CSTF3: variants seen among roughly 807,000 people sequenced by gnomAD.
CSTF3 encodes the protein CF-1 77 kDa subunit.
A neutral mutation model predicts 105.8 loss-of-function variants in CSTF3; 29 were observed. The observed-to-expected ratio is 0.27, with a 90% confidence interval of 0.20 to 0.37. The LOEUF (loss-of-function observed/expected upper bound fraction) is 0.37. Among genes scored for constraint, CSTF3 ranks in the 10% least tolerant of loss-of-function variants. CSTF3 has a pLI of 1.00. For synonymous variants in CSTF3, 252 were observed against 281.9 expected (o/e 0.89, Z 1.06); for missense variants, 357 against 879.3 (o/e 0.41, Z 7.51).
At chr11:33,154,349 C>G (rs763679432) in intron 1 of CSTF3, among the ~76,000 whole-genome samples, 8 of 152,066 alleles carry the variant, frequency 5.3e-5, no homozygotes, top group Non-Finnish European at 1.0e-4. Flanking sequence ...AAGGTGGCAA[C>G]AAACCTGTCA....
intron 1 of CSTF3, among the ~76,000 whole-genome samples, chr11:33,157,026 T>C (rs1256453887): frequency 6.6e-6 from 1 of 151,870 alleles, no homozygotes; most frequent in African/African-American, 2.4e-5. Flanking sequence ...GACCTAAGAA[T>C]GAGATCAAAA....
intron 3 of CSTF3, among the ~76,000 whole-genome samples, chr11:33,119,445 T>C (rs1855465011): frequency 6.6e-6 from 1 of 150,984 alleles, no homozygotes; most frequent in Non-Finnish European, 1.5e-5. Flanking sequence ...GTATCATGAG[T>C]AATGCTTCAT....
intron 15 of CSTF3, among the ~76,000 whole-genome samples, chr11:33,092,819 T>C (rs1368285639): frequency 2.0e-5 from 3 of 152,192 alleles, no homozygotes; most frequent in African/African-American, 7.2e-5. Context: ...CTACTTTAAC[T>C]CTTGCAGAGG....
intron 1 of CSTF3, among the ~76,000 whole-genome samples, chr11:33,143,920 G>A (rs1855745784): frequency 6.6e-6 from 1 of 152,002 alleles, no homozygotes; most frequent in Non-Finnish European, 1.5e-5. Flanking sequence ...AACCCAGGAG[G>A]CGGAGCTTAC....
chr11:33,131,902 T>C (rs1162171009), intron 3 of CSTF3, among the ~76,000 whole-genome samples: 1 of 147,888 alleles, frequency 6.8e-6, no homozygotes, highest in African/African-American at 2.7e-5. Context: ...AATGGTATTG[T>C]GGTTTTACAG....
intron 3 of CSTF3, among the ~76,000 whole-genome samples, chr11:33,111,629 C>T (rs977864666): frequency 1.3e-5 from 2 of 152,160 alleles, no homozygotes. Flanking sequence ...ATCATCTATG[C>T]ATTTCAGTAA....
chr11:33,149,248 T>C (rs2133805132), intron 1 of CSTF3, among the ~76,000 whole-genome samples: 1 of 152,334 alleles, frequency 6.6e-6, no homozygotes, highest in Middle Eastern at 3.4e-3. Context: ...CATCACTAAA[T>C]GTTTTTTTCT....
chr11:33,158,115 T>C (rs1462280436), intron 1 of CSTF3, among the ~76,000 whole-genome samples: 1 of 152,190 alleles, frequency 6.6e-6, no homozygotes, highest in Non-Finnish European at 1.5e-5. Flanking sequence ...GGAAACAAGA[T>C]TAGCCATAAA....
chr11:33,134,278 C>G (rs1041046019), intron 3 of CSTF3: 2 of 152,132 alleles, frequency 1.3e-5, no homozygotes, highest in Non-Finnish European at 2.9e-5. Flanking sequence ...GTTATTCAAC[C>G]AATACAAAGC....
chr11:33,159,663 C>G (rs574107820), intron 1 of CSTF3, among the ~76,000 whole-genome samples: 4 of 147,992 alleles, frequency 2.7e-5, no homozygotes, highest in African/African-American at 1.0e-4. Context: ...CTCCCAGCTA[C>G]GGAGGAGGCT....
At chr11:33,161,246 G>A (rs1346838018) in intron 1 of CSTF3, 53 bp downstream of exon 1, 15 of 1,605,082 alleles carry the variant, frequency 9.3e-6, no homozygotes, top group African/African-American at 1.3e-5. Flanking sequence ...GCAGTCGGAG[G>A]AACAGACGTG....
In CSTF3 at chr11:33,113,247, G is replaced by A. The variant is rs528665857; in HGVS notation, c.226-4829C>T. Among the ~76,000 whole-genome samples the A allele has an allele frequency of 2.0e-3, 285 of 141,408 alleles. 1 individual carries two copies. Among genetic ancestry groups the A allele is most frequent in the South Asian group, 6.5e-3 (30 of 4,584 alleles). 92.8% of individuals were successfully genotyped at this position (141,408 alleles called of 152,430 possible). A position where few individuals can be genotyped will look rare whatever the true frequency, so the allele number is the denominator to read the frequency against. ...TAAATAAATAAATAAATAAATAAAT[G>A]AATAAGACCATTATATGCATACAAA... On this transcript the variant is annotated intron_variant, in intron 3 of 20. Coordinates refer to ENST00000323959, the MANE Select transcript of CSTF3 (RefSeq NM_001326.3).
intron 3 of CSTF3, among the ~76,000 whole-genome samples, chr11:33,135,368 T>C (rs762169109): frequency 1.6e-4 from 25 of 152,168 alleles, no homozygotes; most frequent in Non-Finnish European, 2.9e-4. Context: ...CTGCAAACTA[T>C]AAAATTTACT....
chr11:33,100,043 C>T (rs1001761468), intron 10 of CSTF3, among the ~76,000 whole-genome samples: 1 of 151,816 alleles, frequency 6.6e-6, no homozygotes, highest in African/African-American at 2.4e-5. Flanking sequence ...AGGCGTGTGC[C>T]ACCACATCTG....
chr11:33,159,131 G>A (rs927750472), intron 1 of CSTF3, among the ~76,000 whole-genome samples: 2 of 152,034 alleles, frequency 1.3e-5, no homozygotes, highest in African/African-American at 4.8e-5. Flanking sequence ...GAAATACTTG[G>A]GGCTGCAATG....
chr11:33,131,413 G>C (rs1400053162), intron 3 of CSTF3, among the ~76,000 whole-genome samples: 5 of 152,120 alleles, frequency 3.3e-5, no homozygotes, highest in African/African-American at 1.2e-4. Flanking sequence ...CAAAGAAAGA[G>C]TCAGTTATAA....
At chr11:33,135,468 G>T (rs1855644024) in intron 3 of CSTF3, among the ~76,000 whole-genome samples, 1 of 152,100 alleles carries the variant, frequency 6.6e-6, no homozygotes, top group South Asian at 2.1e-4. Context: ...ATCCTCTAGA[G>T]ATTGAGTCAG....
At position 33,085,998 on chromosome 11, in the gene CSTF3, A is replaced by G; in HGVS notation, c.1796-9T>C. 6.8e-7 allele frequency: 1 copy of G among 1,464,580 alleles called. No homozygotes were observed. Among genetic ancestry groups the G allele is most frequent in the Non-Finnish European group, 9.0e-7 (1 of 1,105,306 alleles). 90.7% of individuals were successfully genotyped at this position (1,464,580 alleles called of 1,614,324 possible). ...AGGGTGTAAACCTGGAGCTGTGAGAAAAAGAAAAGTATGAATCAAGTGGAA... is the reference window on the plus strand; with the variant it reads ...AGGGTGTAAACCTGGAGCTGTGAGAGAAAGAAAAGTATGAATCAAGTGGAA... On this transcript the variant is annotated splice_polypyrimidine_tract_variant and intron_variant, in intron 18 of 20. Coordinates refer to ENST00000323959, the MANE Select transcript of CSTF3 (RefSeq NM_001326.3).
At chr11:33,096,654 T>G (rs576936278) in intron 14 of CSTF3, among the ~76,000 whole-genome samples, 181 bp downstream of exon 14, 33 of 152,330 alleles carry the variant, frequency 2.2e-4, no homozygotes, top group Non-Finnish European at 4.1e-4. Context: ...TAATGAAGCA[T>G]AAATTAGCAA....
Sources: allele counts gnomAD v4.1 joint callset (sites outside exome capture counted in the v4.1 genomes callset), GRCh38; gene constraint gnomAD v4.1.1; transcripts MANE v1.5; gene names NCBI Gene and HGNC (gene_info 2026-07-23, HGNC 2026-07-21).